CHN2: variants seen among roughly 807,000 people sequenced by gnomAD.
The protein encoded by CHN2 is chimerin 2.
CHN2 carries 35 observed loss-of-function variants against 56.3 expected under a neutral mutation model. The observed-to-expected ratio is 0.62, with a 90% CI of 0.47 to 0.82. The LOEUF (loss-of-function observed/expected upper bound fraction) is 0.82. Ranked by LOEUF, CHN2 falls within the 40% of genes least tolerant of loss-of-function variation. The probability of loss-of-function intolerance (pLI) is 0.00; values close to 1 mark genes in which losing one functional copy is unlikely to be tolerated. For synonymous variants in CHN2, 210 were observed against 212.8 expected (o/e 0.99, Z 0.12); for missense variants, 491 against 580.5 (o/e 0.85, Z 1.58).
At chr7:29,322,757 G>A (rs919185571) in intron 1 of CHN2, among the ~76,000 whole-genome samples, 3 of 152,194 alleles carry the variant, frequency 2.0e-5, no homozygotes, top group African/African-American at 7.2e-5. Flanking sequence ...GGACGGCCTA[G>A]AGTTAGAGGA....
chr7:29,443,987 A>G (rs1783857814), intron 6 of CHN2, among the ~76,000 whole-genome samples: 1 of 152,186 alleles, frequency 6.6e-6, no homozygotes, highest in Admixed American at 6.5e-5. Flanking sequence ...GGCTTCTCTA[A>G]GTTTTGCTTT....
chr7:29,252,971 G>A (rs1440117293), intron 1 of CHN2, among the ~76,000 whole-genome samples: 1 of 152,110 alleles, frequency 6.6e-6, no homozygotes, highest in Non-Finnish European at 1.5e-5. Flanking sequence ...TTTTCTACAG[G>A]ACCATCCAAA....
intron 1 of CHN2, among the ~76,000 whole-genome samples, chr7:29,235,165 T>C (rs1441681884): frequency 6.6e-6 from 1 of 152,072 alleles, no homozygotes; most frequent in African/African-American, 2.4e-5. Context: ...CCAGAATCTA[T>C]GGAACTTAAA....
chr7:29,409,242 T>G (rs2128095064), intron 6 of CHN2, among the ~76,000 whole-genome samples: 1 of 152,304 alleles, frequency 6.6e-6, no homozygotes, highest in Middle Eastern at 3.4e-3. Context: ...TCAGGACCCC[T>G]CTATACTCTT....
At chr7:29,265,169 C>T (rs75661375) in intron 1 of CHN2, among the ~76,000 whole-genome samples, 3,240 of 152,238 alleles carry the variant, frequency 0.021, 114 homozygotes, top group African/African-American at 0.074. Context: ...CAGTCCACAA[C>T]GCTGCCCCTA....
upstream of CHN2, among the ~76,000 whole-genome samples, chr7:29,191,090 G>A (rs568595188): frequency 6.6e-6 from 1 of 151,876 alleles, no homozygotes; most frequent in South Asian, 2.1e-4. Flanking sequence ...TAACTACAAC[G>A]CCTGGCTAAT....
rs188266651 is a variant in CHN2 at position 29,509,999 on chromosome 7, C to T, written c.1235+593C>T. Among the ~76,000 whole-genome samples, 11 of 152,262 alleles carry T rather than the reference C, an allele frequency of 7.2e-5. No individual in the cohort carries two copies. The South Asian group carries it at 8.3e-4, about 11-fold the overall frequency. On this transcript the variant is annotated intron_variant, in intron 12 of 12. Coordinates refer to ENST00000222792, the MANE Select transcript of CHN2 (RefSeq NM_004067.4). ...GTACAGCCTTTAACTACTCTGCCTC[C>T]GTGTCTGCATCTTCATCTGACACAA...
At chr7:29,490,544 T>A (rs1324978872) in intron 7 of CHN2, among the ~76,000 whole-genome samples, 1 of 152,134 alleles carries the variant, frequency 6.6e-6, no homozygotes, top group Admixed American at 6.5e-5. Context: ...AATCAGCATG[T>A]AAATATCAAA....
chr7:29,171,578 G>A (rs191783730), intron 2 of CHN2, among the ~76,000 whole-genome samples: 112 of 152,238 alleles, frequency 7.4e-4, no homozygotes, highest in African/African-American at 2.3e-3. Flanking sequence ...GACTTTTAAC[G>A]TGGACCGGAA....
chr7:29,381,971 T>C (rs1187935044), intron 3 of CHN2, among the ~76,000 whole-genome samples: 1 of 152,062 alleles, frequency 6.6e-6, no homozygotes, highest in African/African-American at 2.4e-5. Flanking sequence ...TAAGAGGTGA[T>C]GGTTAGCGTC....
chr7:29,330,841 C>A (rs1796160949), intron 1 of CHN2, among the ~76,000 whole-genome samples: 1 of 152,110 alleles, frequency 6.6e-6, no homozygotes, highest in African/African-American at 2.4e-5. Context: ...ACAGTGAGTC[C>A]ATTTAAAGGT....
chr7:29,444,435 A>G (rs1373497029), intron 6 of CHN2, among the ~76,000 whole-genome samples: 1 of 152,184 alleles, frequency 6.6e-6, no homozygotes, highest in Non-Finnish European at 1.5e-5. Context: ...CCCAAGGAAT[A>G]TCAATGACCT....
At chr7:29,303,633 C>T (rs1793903068) in intron 1 of CHN2, among the ~76,000 whole-genome samples, 1 of 152,238 alleles carries the variant, frequency 6.6e-6, no homozygotes, top group African/African-American at 2.4e-5. Context: ...TTCCCCCAGC[C>T]TATAGGACTT....
At position 29,297,625 on chromosome 7, in the gene CHN2, T is replaced by C. The variant is rs1345377771; in HGVS notation, c.50-57000T>C. The stretch of plus-strand genomic sequence containing the variant: ...CAAAAATCCCGAGGCCTTTTAGTAG[T>C]TTGCACAGAGAGAGGGCGGCCAAAA... On this transcript the variant is annotated intron_variant, in intron 1 of 12. Coordinates refer to ENST00000222792, the MANE Select transcript of CHN2 (RefSeq NM_004067.4). Among the ~76,000 whole-genome samples the C allele has an allele frequency of 2.0e-5, 3 of 151,956 alleles. No homozygotes were observed. The East Asian group carries it at 5.8e-4, about 29-fold the overall frequency.
chr7:29,485,840 G>A (rs983522189), intron 7 of CHN2, among the ~76,000 whole-genome samples: 1 of 152,018 alleles, frequency 6.6e-6, no homozygotes, highest in Non-Finnish European at 1.5e-5. Flanking sequence ...TGCTGCTTCT[G>A]TTCCCAGCCT....
chr7:29,273,534 G>A (rs1360125471), intron 1 of CHN2, among the ~76,000 whole-genome samples: 11 of 151,188 alleles, frequency 7.3e-5, no homozygotes, highest in African/African-American at 2.7e-4. Flanking sequence ...TTGAGTATAT[G>A]CCCAGAAGAG....
chr7:29,294,948 C>T (rs750419167), intron 1 of CHN2, among the ~76,000 whole-genome samples: 4 of 152,172 alleles, frequency 2.6e-5, no homozygotes, highest in Non-Finnish European at 4.4e-5. Context: ...AAGCAAGCCA[C>T]AGGGCAGTCA....
chr7:29,331,031 A>G (rs746373044), intron 1 of CHN2, among the ~76,000 whole-genome samples: 32 of 152,346 alleles, frequency 2.1e-4, no homozygotes, highest in Non-Finnish European at 3.8e-4. Flanking sequence ...GTTATGGAAA[A>G]TGTAGAAGGA....
chr7:29,402,874 G>A (rs918552221), intron 6 of CHN2, among the ~76,000 whole-genome samples: 4 of 152,062 alleles, frequency 2.6e-5, no homozygotes, highest in Non-Finnish European at 5.9e-5. Context: ...AGATATTTTT[G>A]TATTTATTTG....
Sources: allele counts gnomAD v4.1 joint callset (sites outside exome capture counted in the v4.1 genomes callset), GRCh38; gene constraint gnomAD v4.1.1; transcripts MANE v1.5; gene names NCBI Gene and HGNC (gene_info 2026-07-23, HGNC 2026-07-21).